UBR1: variants seen among roughly 807,000 people sequenced by gnomAD.
The protein encoded by UBR1 is E3 ubiquitin-protein ligase UBR1.
A neutral mutation model predicts 242.1 loss-of-function variants in UBR1; 102 were observed. The observed-to-expected ratio is 0.42, with a 90% confidence interval of 0.36 to 0.50. The LOEUF (loss-of-function observed/expected upper bound fraction) is 0.50, where lower values mean the gene tolerates loss of function less well. Among genes scored for constraint, UBR1 ranks in the 20% least tolerant of loss-of-function variants. The pLI is 0.01. For synonymous variants in UBR1, 675 were observed against 684.8 expected (o/e 0.99, Z 0.22); for missense variants, 1,772 against 2,101.8 (o/e 0.84, Z 3.07).
At chr15:42,986,021 A>G (rs1401292559) in intron 35 of UBR1, among the ~76,000 whole-genome samples, 1 of 151,890 alleles carries the variant, frequency 6.6e-6, no homozygotes, top group Non-Finnish European at 1.5e-5. Flanking sequence ...AAGAGAAAGA[A>G]AAAGAGAAAA....
chr15:43,054,088 G>A (rs1281122018), intron 12 of UBR1, among the ~76,000 whole-genome samples: 2 of 152,186 alleles, frequency 1.3e-5, no homozygotes, highest in Non-Finnish European at 2.9e-5. Context: ...AGTAGCTCAT[G>A]ACTGTAATCC....
chr15:43,079,241 G>A (rs2033945584), intron 3 of UBR1, among the ~76,000 whole-genome samples: 1 of 152,052 alleles, frequency 6.6e-6, no homozygotes, highest in Admixed American at 6.5e-5. Flanking sequence ...CGAGGCAGGA[G>A]GGCTGTTTTA....
At chr15:42,953,069 A>T (rs1381529072) in intron 44 of UBR1, among the ~76,000 whole-genome samples, 1 of 152,024 alleles carries the variant, frequency 6.6e-6, no homozygotes, top group Non-Finnish European at 1.5e-5. Flanking sequence ...GACTGAAATG[A>T]GAGATTGTAG....
intron 39 of UBR1, 66 bp from the exon 40 acceptor site, chr15:42,970,673 T>G (rs953338268): frequency 1.4e-6 from 2 of 1,419,868 alleles, no homozygotes; most frequent in Non-Finnish European, 2.0e-6. Context: ...AGACTTTAAT[T>G]TCATTGTTCC....
At chr15:43,035,490 T>C (rs1189676768) in intron 19 of UBR1, among the ~76,000 whole-genome samples, 1 of 151,732 alleles carries the variant, frequency 6.6e-6, no homozygotes, top group Non-Finnish European at 1.5e-5. Context: ...TTTTTTCTTG[T>C]AAATTTGTTT....
intron 40 of UBR1, among the ~76,000 whole-genome samples, chr15:42,968,072 C>T (rs2032141722): frequency 6.6e-6 from 1 of 151,916 alleles, no homozygotes. Flanking sequence ...AGGGCCTTAA[C>T]CTGTAACTAC....
intron 3 of UBR1, among the ~76,000 whole-genome samples, chr15:43,075,416 A>T (rs565901195): frequency 6.6e-6 from 1 of 152,298 alleles, no homozygotes; most frequent in South Asian, 2.1e-4. Context: ...GTGTGCGAAA[A>T]TAATCTATAC....
intron 6 of UBR1, among the ~76,000 whole-genome samples, chr15:43,062,564 TA>T (rs2033701928): frequency 6.6e-6 from 1 of 152,130 alleles, no homozygotes; most frequent in Admixed American, 6.6e-5. Flanking sequence ...AGAAAAAGAT[TA>T]AAATGGTAAA....
At chr15:43,093,699 T>C (rs1385659296) in intron 1 of UBR1, among the ~76,000 whole-genome samples, 2 of 147,076 alleles carry the variant, frequency 1.4e-5, no homozygotes, top group Non-Finnish European at 3.0e-5. Flanking sequence ...AGTGGGAGGA[T>C]CACCTGAGCC....
At chr15:43,011,004 A>G (rs1319834405) in intron 29 of UBR1, among the ~76,000 whole-genome samples, 6 of 151,828 alleles carry the variant, frequency 4.0e-5, no homozygotes, top group African/African-American at 1.5e-4. Flanking sequence ...GTGTGTGTGT[A>G]ACACTATGTA....
chr15:43,036,914 A>AT (rs931970237), intron 17 of UBR1, among the ~76,000 whole-genome samples: 3 of 148,280 alleles, frequency 2.0e-5, no homozygotes, highest in Non-Finnish European at 4.5e-5. Context: ...TCATAATACC[A>AT]TTTTTTTCTT....
chr15:43,007,093 A>G lies in UBR1; in HGVS notation c.3401T>C (p.Ile1134Thr), dbSNP rs922034554. ...ATAATACATACCTCCTGAGAGTTCT[A>G]TGGGTTTTCCCCTGTGCTGGGTTAA... ...TALTQHRGKP[I>T]ELSGEALDPL... The change falls in exon 30 of 47, where the codon ATA becomes ACA. Residue 1134 changes from isoleucine to threonine, a missense_variant. Ile to Thr is a moderately conservative substitution (Grantham distance 89). This residue lies in a region of UBR1 where 965 missense variants were observed against 1,079.7 expected (regional missense o/e 0.89). Transcript: ENST00000290650. The G allele has an allele frequency of 6.2e-7, 1 of 1,614,196 alleles. No homozygotes were observed. The highest frequency in any genetic ancestry group is 8.5e-7 in the Non-Finnish European group (1 of 1,180,038).
chr15:43,039,765 A>C (rs905081192), intron 15 of UBR1, among the ~76,000 whole-genome samples: 15 of 152,268 alleles, frequency 9.9e-5, no homozygotes, highest in African/African-American at 3.6e-4. Flanking sequence ...CGGGTTTTCA[A>C]AGGGAATGCT....
At chr15:43,004,687 G>A (rs1434189454) in intron 30 of UBR1, among the ~76,000 whole-genome samples, 1 of 152,210 alleles carries the variant, frequency 6.6e-6, no homozygotes, top group East Asian at 1.9e-4. Context: ...AGTGCTCAAT[G>A]GTGCCCAGGC....
intron 1 of UBR1, among the ~76,000 whole-genome samples, chr15:43,099,880 C>CA (rs537231675): frequency 7.0e-6 from 1 of 142,934 alleles, no homozygotes; most frequent in Non-Finnish European, 1.5e-5. Flanking sequence ...AGAGGTGCCT[C>CA]TTTTTTTTTT....
chr15:43,103,841 T>C (rs2034266430), intron 1 of UBR1, among the ~76,000 whole-genome samples: 1 of 152,214 alleles, frequency 6.6e-6, no homozygotes, highest in African/African-American at 2.4e-5. Context: ...TGAGCTTGTA[T>C]TGCTTAACAG....
chr15:43,082,656 A>T lies in UBR1; in HGVS notation c.399T>A (p.His133Gln). The change falls in exon 3 of 47, where the codon CAT becomes CAA. Residue 133 changes from histidine to glutamine, a missense_variant. By Grantham distance (24) the His-to-Gln change is conservative. Coordinates refer to ENST00000290650, the MANE Select transcript of UBR1 (RefSeq NM_174916.3). ...LCMDCFQDSVHKNHRYKMHTS... is the reference protein window; with the variant it reads ...LCMDCFQDSVQKNHRYKMHTS... ...TTCTTACCTTGTAACGATGATTTTT[A>T]TGAACACTGTCCTGGAAGCAGTCCA... The T allele has an allele frequency of 1.9e-6, 3 of 1,613,770 alleles. No homozygotes were observed. The highest frequency in any genetic ancestry group is 2.5e-6 in the Non-Finnish European group (3 of 1,179,784).
chr15:43,099,781 T>C (rs2034205480), intron 1 of UBR1, among the ~76,000 whole-genome samples: 1 of 152,006 alleles, frequency 6.6e-6, no homozygotes, highest in African/African-American at 2.4e-5. Context: ...GAAAGACACA[T>C]AGTAAACAGG....
chr15:43,015,587 T>G, intron 29 of UBR1, 101 bp downstream of exon 29: 1 of 1,311,738 alleles, frequency 7.6e-7, no homozygotes, highest in Non-Finnish European at 1.1e-6. Context: ...TCCACTATTG[T>G]CCTATGACCC....
Sources: gnomAD v4.1 joint callset for allele counts (sites outside exome capture counted in the v4.1 genomes callset) on GRCh38, gnomAD v4.1.1 for gene constraint, gnomAD v4.1.1 regional missense constraint, MANE v1.5 for transcripts, NCBI Gene and HGNC (gene_info 2026-07-23, HGNC 2026-07-21) for gene names.